PCDH9: variants seen among roughly 807,000 people sequenced by gnomAD.
The protein encoded by PCDH9 is protocadherin 9.
Under a neutral mutation model 70.6 loss-of-function variants are expected in PCDH9, and 24 were observed. The observed-to-expected ratio is 0.34, with a 90% confidence interval of 0.25 to 0.48. PCDH9 has a LOEUF of 0.48. PCDH9 is among the 20% of genes least tolerant of loss of function. The probability of loss-of-function intolerance (pLI) is 0.99; values close to 1 mark genes in which losing one functional copy is unlikely to be tolerated. For missense variants in PCDH9, 1,281 were observed against 1,503.6 expected (o/e 0.85, Z 2.45); for synonymous variants, 562 against 558.5 (o/e 1.01, Z -0.09).
intron 2 of PCDH9, among the ~76,000 whole-genome samples, chr13:67,133,479 G>A (rs1468509955): frequency 6.6e-6 from 1 of 152,058 alleles, no homozygotes; most frequent in African/African-American, 2.4e-5. Flanking sequence ...TGCTTAAAAA[G>A]TTGGATTACA....
intron 4 of PCDH9, among the ~76,000 whole-genome samples, chr13:66,475,554 C>A (rs1311180092): frequency 6.6e-6 from 1 of 151,996 alleles, no homozygotes; most frequent in Non-Finnish European, 1.5e-5. Flanking sequence ...CAAATGTATT[C>A]TTGTCCTCAT....
chr13:66,516,312 T>C (rs1959733007), intron 4 of PCDH9, among the ~76,000 whole-genome samples: 1 of 152,038 alleles, frequency 6.6e-6, no homozygotes, highest in Non-Finnish European at 1.5e-5. Flanking sequence ...AGTAAAGCTG[T>C]AATATTACTC....
At chr13:67,225,252 GC>G in intron 2 of PCDH9, 152 bp downstream of exon 2, 1 of 1,263,558 alleles carries the variant, frequency 7.9e-7, no homozygotes, top group Non-Finnish European at 1.1e-6. Context: ...TCTTGACTGA[GC>G]CCCAGAGGAA....
intron 4 of PCDH9, among the ~76,000 whole-genome samples, chr13:66,540,477 T>C (rs1338174525): frequency 6.6e-6 from 1 of 152,110 alleles, no homozygotes; most frequent in Non-Finnish European, 1.5e-5. Flanking sequence ...ATTATTAAGC[T>C]TTTTTTACAT....
At chr13:66,670,219 T>C (rs1047612176) in intron 3 of PCDH9, among the ~76,000 whole-genome samples, 1 of 152,190 alleles carries the variant, frequency 6.6e-6, no homozygotes, top group East Asian at 1.9e-4. Flanking sequence ...TAGCACCTAA[T>C]AGAATTCTGC....
chr13:66,543,189 C>A (rs142559592), intron 4 of PCDH9, among the ~76,000 whole-genome samples: 2 of 151,944 alleles, frequency 1.3e-5, no homozygotes, highest in East Asian at 3.9e-4. Flanking sequence ...ATCACTGACA[C>A]GTTATCGTTT....
chr13:66,347,493 CATT>C (rs1210040439), intron 4 of PCDH9, among the ~76,000 whole-genome samples: 17 of 152,166 alleles, frequency 1.1e-4, no homozygotes, highest in Non-Finnish European at 1.2e-4. Flanking sequence ...AAACAAAAAA[CATT>C]ATTTTTTTGC....
chr13:67,224,907 T>C (rs1265783415), intron 2 of PCDH9: 12 of 988,298 alleles, frequency 1.2e-5, no homozygotes, highest in Non-Finnish European at 1.4e-5. Flanking sequence ...GTACATTTAA[T>C]ATTCTACTAT....
At chr13:67,005,682 C>G (rs776640264) in intron 2 of PCDH9, among the ~76,000 whole-genome samples, 24 of 152,164 alleles carry the variant, frequency 1.6e-4, no homozygotes, top group Non-Finnish European at 2.5e-4. Flanking sequence ...ATATCTTCCA[C>G]AAATAATATG....
chr13:66,690,690 A>G (rs2078470625), intron 3 of PCDH9, among the ~76,000 whole-genome samples: 1 of 152,216 alleles, frequency 6.6e-6, no homozygotes, highest in Non-Finnish European at 1.5e-5. Flanking sequence ...GTGGAACCTG[A>G]GTTGGCAAAG....
At chr13:66,756,430 C>T (rs764916787) in intron 3 of PCDH9, among the ~76,000 whole-genome samples, 1 of 152,104 alleles carries the variant, frequency 6.6e-6, no homozygotes, top group Non-Finnish European at 1.5e-5. Flanking sequence ...CCACTGTTTA[C>T]AATTAAAGAC....
intron 2 of PCDH9, among the ~76,000 whole-genome samples, chr13:67,042,205 GTA>G (rs971017547): frequency 1.3e-5 from 2 of 152,148 alleles, no homozygotes; most frequent in Middle Eastern, 3.2e-3. Flanking sequence ...GGGATTGTGT[GTA>G]TGTGTGTGTG....
intron 2 of PCDH9, among the ~76,000 whole-genome samples, chr13:67,111,300 T>G (rs906592124): frequency 2.4e-4 from 37 of 152,286 alleles, no homozygotes; most frequent in Admixed American, 1.2e-3. Context: ...TCGTTATCAT[T>G]CTGAGATATT....
At chr13:66,941,821 T>G (rs2083010981) in intron 2 of PCDH9, among the ~76,000 whole-genome samples, 2 of 151,826 alleles carry the variant, frequency 1.3e-5, no homozygotes, top group Non-Finnish European at 1.5e-5. Context: ...TCAACTAACT[T>G]GATGCAACTA....
At chr13:67,154,382 C>T (rs1011715318) in intron 2 of PCDH9, among the ~76,000 whole-genome samples, 2 of 151,740 alleles carry the variant, frequency 1.3e-5, no homozygotes, top group African/African-American at 4.8e-5. Context: ...TTAGGTGGAT[C>T]GCCTGGGCAA....
At chr13:66,748,069 A>C (rs544434386) in intron 3 of PCDH9, among the ~76,000 whole-genome samples, 1 of 152,338 alleles carries the variant, frequency 6.6e-6, no homozygotes, top group African/African-American at 2.4e-5. Flanking sequence ...AACACTGAAC[A>C]TGCACATTCA....
intron 2 of PCDH9, chr13:67,209,172 C>A (rs1468577314): frequency 6.6e-6 from 1 of 152,098 alleles, no homozygotes; most frequent in Non-Finnish European, 1.5e-5. Flanking sequence ...TAAGCCATTA[C>A]ACAGAATGCC....
intron 4 of PCDH9, among the ~76,000 whole-genome samples, chr13:66,454,145 GT>G (rs1195249260): frequency 6.6e-6 from 1 of 151,030 alleles, no homozygotes; most frequent in African/African-American, 2.4e-5. Context: ...AATAAGACTT[GT>G]TTTTTTCTTT....
chr13:66,376,025 A>G (rs1430679058), intron 4 of PCDH9, among the ~76,000 whole-genome samples: 1 of 152,186 alleles, frequency 6.6e-6, no homozygotes, highest in East Asian at 1.9e-4. Context: ...ACTGACTCCC[A>G]TGAAGTTAAA....
Sources: allele counts gnomAD v4.1 joint callset (sites outside exome capture counted in the v4.1 genomes callset), GRCh38; gene constraint gnomAD v4.1.1; transcripts MANE v1.5; gene names NCBI Gene and HGNC (gene_info 2026-07-23, HGNC 2026-07-21).